KIAA1958: variants seen among roughly 807,000 people sequenced by gnomAD.
KIAA1958 encodes uncharacterized protein KIAA1958.
Under a neutral mutation model 47.2 loss-of-function variants are expected in KIAA1958, and 14 were observed. That is an observed-to-expected ratio of 0.30 (90% CI 0.20 to 0.46). The LOEUF (loss-of-function observed/expected upper bound fraction) is 0.46. Ranked by LOEUF, KIAA1958 falls within the 20% of genes least tolerant of loss-of-function variation. The pLI, the probability that KIAA1958 is intolerant of heterozygous loss-of-function variation, is 1.00. For synonymous variants in KIAA1958, 354 were observed against 353.3 expected, an observed-to-expected ratio of 1.00 and a Z score of -0.02; for missense variants, 803 against 909.2, an observed-to-expected ratio of 0.88 and a Z score of 1.50.
intron 1 of KIAA1958, among the ~76,000 whole-genome samples, chr9:112,564,026 A>G (rs1429047125): frequency 2.0e-5 from 3 of 152,128 alleles, no homozygotes; most frequent in Non-Finnish European, 4.4e-5. Context: ...GTTGAATTAC[A>G]TTTGCTCACG....
rs551384075 is a variant in KIAA1958, at chr9:112,493,386, T to C, written c.-25+6268T>C. On this transcript the variant is annotated intron_variant, in intron 1 of 3. Transcript: ENST00000337530. Reference sequence around the variant, plus strand: ...AGACTTATTGTCCTCTTCACATCTGTGTCTTTTCTTTTATTCCTTAGCTCA... The same window carrying C: ...AGACTTATTGTCCTCTTCACATCTGCGTCTTTTCTTTTATTCCTTAGCTCA... 4.6e-5 allele frequency among the ~76,000 whole-genome samples: 7 copies of C among 152,334 alleles called. No individual in the cohort carries two copies. The East Asian group carries it at 1.3e-3, about 29-fold the overall frequency.
At chr9:112,519,624 CAG>C (rs1326635778) in intron 1 of KIAA1958, among the ~76,000 whole-genome samples, 1 of 152,140 alleles carries the variant, frequency 6.6e-6, no homozygotes, top group Non-Finnish European at 1.5e-5. Context: ...CCAGTGATTA[CAG>C]AACTAATAAT....
intron 1 of KIAA1958, among the ~76,000 whole-genome samples, chr9:112,540,209 T>G (rs1834917574): frequency 6.6e-6 from 1 of 151,922 alleles, no homozygotes; most frequent in Admixed American, 6.6e-5. Flanking sequence ...GATAGGAGGG[T>G]GCTGATATGG....
At chr9:112,655,032 T>G (rs1392205999) in intron 3 of KIAA1958, among the ~76,000 whole-genome samples, 1 of 152,230 alleles carries the variant, frequency 6.6e-6, no homozygotes, top group Non-Finnish European at 1.5e-5. Flanking sequence ...GCTCTTCCTG[T>G]TCCTGACTTT....
chr9:112,618,082 A>G lies in KIAA1958; in HGVS notation c.1172-27568A>G, dbSNP rs1343094766. 6.4e-7 allele frequency: 1 copy of G among 1,550,520 alleles called. No homozygotes were observed. Among genetic ancestry groups the G allele is most frequent in the Admixed American group, 2.0e-5 (1 of 50,980 alleles). On this transcript the variant is annotated intron_variant, in intron 2 of 3. Coordinates refer to ENST00000337530, the MANE Select transcript of KIAA1958 (RefSeq NM_133465.4). This position sits in a 1 kb window ranked among gnomAD's most constrained non-coding sequence, Gnocchi z 7.1. ...GGCAGAAGGATGGGTCCGAATACGA[A>G]CCCAACAGCTTGGCCAATTACCAGT...
At chr9:112,635,991 G>C (rs1836799164) in intron 2 of KIAA1958, among the ~76,000 whole-genome samples, 1 of 151,092 alleles carries the variant, frequency 6.6e-6, no homozygotes, top group Non-Finnish European at 1.5e-5. Flanking sequence ...ATTATTTTCT[G>C]TTTAGGCAAT....
chr9:112,620,368 G>A (rs1252574557), intron 2 of KIAA1958, among the ~76,000 whole-genome samples: 1 of 152,174 alleles, frequency 6.6e-6, no homozygotes, highest in Non-Finnish European at 1.5e-5. Context: ...ATTCACATTA[G>A]CTAGAAAGGT....
intron 1 of KIAA1958, among the ~76,000 whole-genome samples, chr9:112,489,491 T>C (rs532403965): frequency 1.3e-5 from 2 of 149,484 alleles, no homozygotes; most frequent in African/African-American, 4.9e-5. Flanking sequence ...TTTTTTTGAC[T>C]GATAGGTAGA....
chr9:112,591,139 TGTG>T (rs1835912253), intron 2 of KIAA1958, among the ~76,000 whole-genome samples: 1 of 152,228 alleles, frequency 6.6e-6, no homozygotes, highest in East Asian at 1.9e-4. Context: ...GCTGGAGTGC[TGTG>T]GTGCCACCTC....
chr9:112,497,896 T>A (rs2132761646), intron 1 of KIAA1958, among the ~76,000 whole-genome samples: 1 of 152,274 alleles, frequency 6.6e-6, no homozygotes, highest in East Asian at 1.9e-4. Flanking sequence ...GAGTCCTTTA[T>A]TTATTTTTAA....
intron 1 of KIAA1958, among the ~76,000 whole-genome samples, chr9:112,540,010 A>G (rs1407225320): frequency 1.3e-5 from 2 of 152,200 alleles, no homozygotes; most frequent in African/African-American, 4.8e-5. Flanking sequence ...TATATTTATG[A>G]TATGTGAAAT....
intron 1 of KIAA1958, among the ~76,000 whole-genome samples, chr9:112,567,842 C>G (rs1397710310): frequency 6.6e-6 from 1 of 151,522 alleles, no homozygotes; most frequent in Non-Finnish European, 1.5e-5. Flanking sequence ...CCTGTAGTCC[C>G]AGCTACTTGG....
At chr9:112,595,897 T>G (rs535241675) in intron 2 of KIAA1958, among the ~76,000 whole-genome samples, 2 of 151,936 alleles carry the variant, frequency 1.3e-5, no homozygotes, top group Non-Finnish European at 1.5e-5. Context: ...GTGATTCTCC[T>G]GCCTCAGCCT....
At chr9:112,586,552 A>C (rs547791692) in intron 2 of KIAA1958, among the ~76,000 whole-genome samples, 3 of 141,342 alleles carry the variant, frequency 2.1e-5, no homozygotes, top group Non-Finnish European at 3.2e-5. Context: ...AGTATTTCAC[A>C]AAAAAAAATC....
chr9:112,538,062 G>A (rs1834884582), intron 1 of KIAA1958, among the ~76,000 whole-genome samples: 1 of 152,154 alleles, frequency 6.6e-6, no homozygotes, highest in African/African-American at 2.4e-5. Flanking sequence ...TTGCACGGGT[G>A]GCTCACACCC....
chr9:112,575,751 T>A (rs1003210127), intron 2 of KIAA1958, among the ~76,000 whole-genome samples: 7 of 152,318 alleles, frequency 4.6e-5, no homozygotes, highest in African/African-American at 1.7e-4. Flanking sequence ...AAAAGCAATG[T>A]ACATTTCTAA....
intron 2 of KIAA1958, among the ~76,000 whole-genome samples, chr9:112,585,600 G>A (rs1431849913): frequency 6.6e-6 from 1 of 152,212 alleles, no homozygotes; most frequent in Non-Finnish European, 1.5e-5. Context: ...GCTGGGACAG[G>A]AGGGCTGTTT....
intron 3 of KIAA1958, among the ~76,000 whole-genome samples, chr9:112,650,081 A>G (rs530285335): frequency 3.2e-4 from 49 of 152,226 alleles, no homozygotes; most frequent in African/African-American, 1.2e-3. Flanking sequence ...CTCATTAGAA[A>G]CTGTGCAAAC....
At position 112,641,235 on chromosome 9, in the gene KIAA1958, T is replaced by C. The variant is rs1315824991; in HGVS notation, c.1172-4415T>C. The stretch of plus-strand genomic sequence containing the variant: ...CTTCTTTCATGATTGAAAATATCTT[T>C]ATTTTGCCCTAGCATTTGAATGCTG... On this transcript the variant is annotated intron_variant, in intron 2 of 3. Coordinates refer to ENST00000337530, the MANE Select transcript of KIAA1958 (RefSeq NM_133465.4). Among the ~76,000 whole-genome samples, 3 of 152,188 alleles carry C rather than the reference T, an allele frequency of 2.0e-5. No homozygotes were observed. In the East Asian group the frequency reaches 5.8e-4, roughly 29 times the overall value.
Sources: allele counts gnomAD v4.1 joint callset (sites outside exome capture counted in the v4.1 genomes callset), GRCh38; gene constraint gnomAD v4.1.1; non-coding constraint Gnocchi (gnomAD v3.1); transcripts MANE v1.5; gene names NCBI Gene and HGNC (gene_info 2026-07-23, HGNC 2026-07-21).